Variants in FCRL5 observed in about 807,000 individuals in gnomAD.
FCRL5 encodes the protein Fc receptor-like protein 5.
In FCRL5, 79 loss-of-function variants were observed where a neutral mutation model predicts 92.1. The ratio of observed to expected loss-of-function variants is 0.86; its 90% CI spans 0.72 to 1.03. The LOEUF (loss-of-function observed/expected upper bound fraction) is 1.03, where lower values mean the gene tolerates loss of function less well. Among genes scored for constraint, FCRL5 ranks in the 50% least tolerant of loss-of-function variants. FCRL5 has a pLI of 0.00. For synonymous variants in FCRL5, 466 were observed against 469.3 expected (o/e 0.99, Z 0.09); for missense variants, 1,160 against 1,181.1 (o/e 0.98, Z 0.26).
At chr1:157,527,548 A>C (rs1200871213) in intron 9 of FCRL5, 69 bp downstream of exon 9, 1 of 1,448,384 alleles carries the variant, frequency 6.9e-7, no homozygotes, top group African/African-American at 1.4e-5. Flanking sequence ...TGTACCTCTG[A>C]TCTTGGCTAC....
At chr1:157,538,870 A>G (rs2012425) in intron 7 of FCRL5, among the ~76,000 whole-genome samples, 134,967 of 152,296 alleles carry the variant, frequency 0.89, 59,883 homozygotes, top group East Asian at 1. Context: ...GAAAGCTGCT[A>G]CATCATTAGG....
intron 6 of FCRL5, chr1:157,542,582 G>A (rs549185237): frequency 4.7e-6 from 2 of 423,984 alleles, no homozygotes; most frequent in Non-Finnish European, 8.5e-6. Flanking sequence ...AGGACAAGTG[G>A]AAAGCACAAG....
intron 9 of FCRL5, among the ~76,000 whole-genome samples, chr1:157,525,256 C>T (rs6686913): frequency 0.81 from 123,407 of 152,226 alleles, 50,618 homozygotes; most frequent in South Asian, 0.92. Flanking sequence ...GAAAGCTTCC[C>T]CACAAAATGA....
At position 157,513,823 on chromosome 1, in the gene FCRL5, G is replaced by C. The variant is rs1256282306; in HGVS notation, c.*1852C>G. ...AGCTTTGTTGGTGATGTGACCTCCAGAACAGACTGTGAGCAGATTTTTTTC... is the reference window on the plus strand; with the variant it reads ...AGCTTTGTTGGTGATGTGACCTCCACAACAGACTGTGAGCAGATTTTTTTC... On this transcript the variant is annotated 3_prime_UTR_variant, in exon 17 of 17. Coordinates refer to ENST00000361835, the MANE Select transcript of FCRL5 (RefSeq NM_031281.3). 2 of 152,204 alleles carry C rather than the reference G, an allele frequency of 1.3e-5. No individual in the cohort carries two copies. The highest frequency in any genetic ancestry group is 2.9e-5 in the Non-Finnish European group (2 of 68,034). The allele number at this position is 152,204 out of a possible 1,614,324, so 9.4% of individuals were successfully genotyped here. A position where few individuals can be genotyped will look rare whatever the true frequency, so the allele number is the denominator to read the frequency against.
rs774887961 is a variant in FCRL5, at chr1:157,515,159, A to T, written c.*516T>A. 5.6e-6 allele frequency: 1 copy of T among 179,060 alleles called. No homozygotes were observed. Among genetic ancestry groups the T allele is most frequent in the African/African-American group, 2.4e-5 (1 of 42,492 alleles). The allele number at this position is 179,060 out of a possible 1,614,324, so 11.1% of individuals were successfully genotyped here. ...CAGCCCCCGTGGGGAGACCCATCAC[A>T]TGTCCCATGTGCACAGGCTGTGTGC... On this transcript the variant is annotated 3_prime_UTR_variant, in exon 17 of 17. Coordinates refer to ENST00000361835, the MANE Select transcript of FCRL5 (RefSeq NM_031281.3).
intron 8 of FCRL5, chr1:157,534,320 G>A (rs1353108108): frequency 2.7e-5 from 19 of 704,950 alleles, no homozygotes; most frequent in Middle Eastern, 2.3e-4. Context: ...AGTAGGACAC[G>A]CTCCGTGCAT....
At chr1:157,529,606 T>C (rs1211070751) in intron 8 of FCRL5, among the ~76,000 whole-genome samples, 9 of 152,144 alleles carry the variant, frequency 5.9e-5, no homozygotes, top group Admixed American at 5.9e-4. Flanking sequence ...TGTGTGTGTG[T>C]GTGTGTGTGT....
At chr1:157,521,698 A>G (rs1419373022) in intron 10 of FCRL5, 1 of 154,956 alleles carries the variant, frequency 6.5e-6, no homozygotes. Flanking sequence ...CAAATTTAAC[A>G]CACTTCCTTG....
intron 10 of FCRL5, 121 bp downstream of exon 10, chr1:157,524,158 G>T (rs1488528113): frequency 2.0e-6 from 2 of 999,744 alleles, no homozygotes; most frequent in Admixed American, 5.1e-5. Context: ...CAGGCAGGAA[G>T]TGTGCTGGGA....
chr1:157,528,959 T>C (rs1054384793), intron 8 of FCRL5, among the ~76,000 whole-genome samples: 3 of 152,148 alleles, frequency 2.0e-5, no homozygotes, highest in African/African-American at 7.2e-5. Context: ...AATAAATAGA[T>C]GGGTCTGAAT....
At chr1:157,532,795 G>T (rs1469379776) in intron 8 of FCRL5, 1 of 152,164 alleles carries the variant, frequency 6.6e-6, no homozygotes, top group Non-Finnish European at 1.5e-5. Context: ...GGTCTTTGAC[G>T]AGTCTAATAT....
At chr1:157,525,127 T>C (rs1308816574) in intron 9 of FCRL5, among the ~76,000 whole-genome samples, 2 of 152,208 alleles carry the variant, frequency 1.3e-5, no homozygotes, top group Non-Finnish European at 2.9e-5. Flanking sequence ...ACTGCTCTCA[T>C]AGAGCCTACA....
In FCRL5 at chr1:157,529,595, A is replaced by ATGTG. The variant is rs35434812; in HGVS notation, c.1682-1704_1682-1701dup. On this transcript the variant is annotated intron_variant, in intron 8 of 16. Coordinates refer to ENST00000361835, the MANE Select transcript of FCRL5 (RefSeq NM_031281.3). ...GATAAAGAAAATGTGATACATACGC[A>ATGTG]TGTGTGTGTGTGTGTGTGTGTACAC... Among the ~76,000 whole-genome samples the ATGTG allele has an allele frequency of 5.0e-5, 7 of 139,788 alleles. 1 individual carries two copies. The highest frequency in any genetic ancestry group is 2.3e-4 in the African/African-American group (7 of 30,820). The allele number at this position is 139,788 out of a possible 152,430, so 91.7% of individuals were successfully genotyped here.
intron 1 of FCRL5, among the ~76,000 whole-genome samples, chr1:157,550,930 T>C (rs1266564671): frequency 1.3e-5 from 2 of 152,210 alleles, no homozygotes. Flanking sequence ...TCCAGGAGTG[T>C]GTGAGAGACA....
At chr1:157,546,450 AAAACCAAACCAAACCAAACCAAACC>A (rs60618941) in intron 3 of FCRL5, among the ~76,000 whole-genome samples, 1 of 145,014 alleles carries the variant, frequency 6.9e-6, no homozygotes, top group African/African-American at 2.5e-5. Flanking sequence ...TCCATCTCAA[AAAACCAAACCAAACCAAACCAAACC>A]AAACCAAACC....
intron 8 of FCRL5, chr1:157,534,232 G>A (rs1391531098): frequency 1.3e-5 from 8 of 596,208 alleles, no homozygotes; most frequent in Admixed American, 2.3e-5. Flanking sequence ...AAATCCTTTG[G>A]AGAATTTAAG....
intron 3 of FCRL5, chr1:157,546,132 C>A: frequency 3.6e-6 from 1 of 281,010 alleles, no homozygotes; most frequent in Non-Finnish European, 7.1e-6. Flanking sequence ...CTTATTATTC[C>A]AAGTAAATAA....
chr1:157,517,902 T>C (rs1571071349), intron 15 of FCRL5, among the ~76,000 whole-genome samples: 1 of 152,118 alleles, frequency 6.6e-6, no homozygotes, highest in African/African-American at 2.4e-5. Flanking sequence ...ATGATTATCA[T>C]GATGAGACAT....
At chr1:157,518,318 T>A in intron 15 of FCRL5, 111 bp downstream of exon 15, 1 of 871,400 alleles carries the variant, frequency 1.1e-6, no homozygotes, top group East Asian at 2.4e-5. Context: ...CATGACCCAG[T>A]GGGAGGGGCG....
Sources: allele counts gnomAD v4.1 joint callset (sites outside exome capture counted in the v4.1 genomes callset), GRCh38; gene constraint gnomAD v4.1.1; transcripts MANE v1.5; gene names NCBI Gene and HGNC (gene_info 2026-07-23, HGNC 2026-07-21).